Variants in ADAMTS15 observed in about 807,000 individuals in gnomAD.
ADAMTS15 encodes the protein A disintegrin and metalloproteinase with thrombospondin motifs 15.
Under a neutral mutation model 79.1 loss-of-function variants are expected in ADAMTS15, and 35 were observed. That is an observed-to-expected ratio of 0.44 (90% CI 0.34 to 0.59). The LOEUF (loss-of-function observed/expected upper bound fraction) is 0.59. Among genes scored for constraint, ADAMTS15 ranks in the 20% least tolerant of loss-of-function variants. The pLI is 0.02. For missense variants in ADAMTS15, 1,324 were observed against 1,318.7 expected (o/e 1.00, Z -0.06); for synonymous variants, 616 against 567.3 (o/e 1.09, Z -1.22).
chr11:130,450,215 A>G (rs1937935640), intron 1 of ADAMTS15: 1 of 985,356 alleles, frequency 1.0e-6, no homozygotes. Context: ...GAGGGGCCGG[A>G]ACCCAGGAAG....
chr11:130,473,629 A>T lies in ADAMTS15; in HGVS notation c.2661A>T (p.Thr887=), dbSNP rs140009739. 1.5e-4 allele frequency: 249 copies of T among 1,609,176 alleles called. 2 individuals are homozygous for T. The highest frequency in any genetic ancestry group is 2.0e-4 in the Non-Finnish European group (234 of 1,179,826). The change falls in exon 8 of 8, where the codon ACA becomes ACT. Residue 887 remains threonine, a synonymous_variant. Coordinates refer to ENST00000299164, the MANE Select transcript of ADAMTS15 (RefSeq NM_139055.4). Reference sequence around the variant, plus strand: ...ATGCAGCCCATCGGCCCGTGGAGACACAAGCCTGCGGGGAGCCCTGCCCCA... The same window carrying T: ...ATGCAGCCCATCGGCCCGTGGAGACTCAAGCCTGCGGGGAGCCCTGCCCCA... ...ACDAAHRPVE[T]QACGEPCPTW... is the part of the protein sequence containing the mutation.
Position 130,459,452 on chromosome 11 carries a change from C to T in ADAMTS15, c.958-2037C>T, listed in dbSNP as rs377535827. 9.0e-4 allele frequency among the ~76,000 whole-genome samples: 137 copies of T among 152,190 alleles called. 1 individual carries two copies. The highest frequency in any genetic ancestry group is 3.2e-3 in the African/African-American group (132 of 41,524). ...AAGTGCTGGGATTACAGGCATGAGC[C>T]ACTGCGCCCAGGCCCCTCCCAAGTT... On this transcript the variant is annotated intron_variant, in intron 1 of 7. Coordinates refer to ENST00000299164, the MANE Select transcript of ADAMTS15 (RefSeq NM_139055.4).
chr11:130,451,323 C>G (rs1471878302), intron 1 of ADAMTS15, among the ~76,000 whole-genome samples: 3 of 152,218 alleles, frequency 2.0e-5, no homozygotes, highest in Admixed American at 2.0e-4. Context: ...TCCACAGTAA[C>G]CCATTTGGCA....
Position 130,449,797 on chromosome 11 carries a change from G to A in ADAMTS15, c.824G>A (p.Arg275His), listed in dbSNP as rs1472042795. ...VVVKVLLLRD[R>H]DSGPKVTGNA... Reference sequence around the variant, plus strand: ...GTCAAGGTGCTGCTTCTTAGAGATCGTGACTCCGGGCCCAAGGTCACCGGC... The same window carrying A: ...GTCAAGGTGCTGCTTCTTAGAGATCATGACTCCGGGCCCAAGGTCACCGGC... The change falls in exon 1 of 8, where the codon CGT (arginine) becomes CAT (histidine). Residue 275 changes from arginine (R) to histidine (H), a missense_variant. Transcript: ENST00000299164. This position sits in a 1 kb window ranked among gnomAD's most constrained non-coding sequence, Gnocchi z 7.8. 3 of 1,611,606 alleles carry A rather than the reference G, an allele frequency of 1.9e-6. No individual in the cohort carries two copies. The highest frequency in any genetic ancestry group is 1.3e-5 in the African/African-American group (1 of 74,934).
intron 1 of ADAMTS15, among the ~76,000 whole-genome samples, chr11:130,451,254 A>G (rs1320922968): frequency 6.6e-6 from 1 of 152,132 alleles, no homozygotes; most frequent in Non-Finnish European, 1.5e-5. Flanking sequence ...CTAACTCTCC[A>G]CTGTTTCCAA....
chr11:130,461,166 G>A (rs888087811), intron 1 of ADAMTS15, among the ~76,000 whole-genome samples: 33 of 152,192 alleles, frequency 2.2e-4, no homozygotes, highest in Non-Finnish European at 3.7e-4. Flanking sequence ...CTGGAGGGCC[G>A]TCTCTCTATA....
chr11:130,454,677 G>A lies in ADAMTS15; in HGVS notation c.957+4747G>A, dbSNP rs77077275. ...AAACACAACACCATGCCTTCTGGGAGGGAGGAGGGAAGGAGTGGGAAGAGA... is the reference window on the plus strand; with the variant it reads ...AAACACAACACCATGCCTTCTGGGAAGGAGGAGGGAAGGAGTGGGAAGAGA... On this transcript the variant is annotated intron_variant, in intron 1 of 7. Coordinates refer to ENST00000299164, the MANE Select transcript of ADAMTS15 (RefSeq NM_139055.4). 3.4e-3 allele frequency among the ~76,000 whole-genome samples: 514 copies of A among 152,304 alleles called. 5 individuals are homozygous for A. Among genetic ancestry groups the A allele is most frequent in the African/African-American group, 0.012 (487 of 41,554 alleles).
chr11:130,466,059 G>A lies in ADAMTS15; in HGVS notation c.1543-3203G>A, dbSNP rs1022778490. Among the ~76,000 whole-genome samples the A allele has an allele frequency of 2.6e-5, 4 of 152,136 alleles. No individual in the cohort carries two copies. In the East Asian group the frequency reaches 7.8e-4, roughly 30 times the overall value. ...GGCTAATTTTTGTATTTTTAGTGGA[G>A]ATGGGGTTTCATCATGTTGGTCAGG... is the stretch of plus-strand genomic sequence containing the variant. On this transcript the variant is annotated intron_variant, in intron 4 of 7. Transcript: ENST00000299164.
Position 130,448,966 on chromosome 11 carries a change from C to T in ADAMTS15, c.-8C>T, listed in dbSNP as rs767225674. ...TTCCCACAGCGCGGCGGTGCGCTGC[C>T]CGGCGCCATGCTTCTGCTGGGCATC... On this transcript the variant is annotated 5_prime_UTR_variant, in exon 1 of 8. Coordinates refer to ENST00000299164, the MANE Select transcript of ADAMTS15 (RefSeq NM_139055.4). The T allele has an allele frequency of 8.0e-5, 120 of 1,491,322 alleles. 2 individuals are homozygous for T. The East Asian group carries it at 2.8e-3, about 35-fold the overall frequency. The allele number at this position is 1,491,322 out of a possible 1,614,324, so 92.4% of individuals were successfully genotyped here. A position where few individuals can be genotyped will look rare whatever the true frequency, so the allele number is the denominator to read the frequency against.
chr11:130,465,776 C>T (rs1240331115), intron 4 of ADAMTS15, among the ~76,000 whole-genome samples: 4 of 151,628 alleles, frequency 2.6e-5, no homozygotes, highest in East Asian at 3.9e-4. Flanking sequence ...CACTGCCTCT[C>T]GGTTGTCCTC....
chr11:130,459,368 G>A (rs920572549), intron 1 of ADAMTS15, among the ~76,000 whole-genome samples: 3 of 152,134 alleles, frequency 2.0e-5, no homozygotes, highest in Non-Finnish European at 4.4e-5. Flanking sequence ...GTCTCACCAT[G>A]TTTCCCAGGT....
At chr11:130,471,415 G>A (rs1938456283) in intron 7 of ADAMTS15, 32 bp downstream of exon 7, 1 of 1,585,682 alleles carries the variant, frequency 6.3e-7, no homozygotes, top group East Asian at 2.2e-5. Context: ...TCCTGCCAGG[G>A]AGCAAAGGGA....
At position 130,475,741 on chromosome 11, in the gene ADAMTS15, C is replaced by G. The variant is rs1043028050; in HGVS notation, c.*1920C>G. 2.6e-5 allele frequency: 4 copies of G among 152,376 alleles called. No homozygotes were observed. Among genetic ancestry groups the G allele is most frequent in the Non-Finnish European group, 4.4e-5 (3 of 68,174 alleles). The allele number at this position is 152,376 out of a possible 1,614,324, so 9.4% of individuals were successfully genotyped here. On this transcript the variant is annotated 3_prime_UTR_variant, in exon 8 of 8. Coordinates refer to ENST00000299164, the MANE Select transcript of ADAMTS15 (RefSeq NM_139055.4). ...ACAGGAACCCCTCTGTGCCAGTGAC[C>G]ACTGTGGGGCTAAAGGGACAAAAAG...
Position 130,449,732 on chromosome 11 carries a change from C to T in ADAMTS15, c.759C>T (p.Tyr253=). ...LTLLATAARL[Y]RHPSILNPIN... ...TGCTGGCAACGGCGGCGCGACTCTA[C>T]CGCCATCCCAGCATCCTCAACCCCA... The change falls in exon 1 of 8, where the codon TAC becomes TAT. Residue 253 remains tyrosine, a synonymous_variant. Coordinates refer to ENST00000299164, the MANE Select transcript of ADAMTS15 (RefSeq NM_139055.4). This position sits in a 1 kb window ranked among gnomAD's most constrained non-coding sequence, Gnocchi z 7.8. 1.2e-6 allele frequency: 2 copies of T among 1,612,456 alleles called. No homozygotes were observed. Among genetic ancestry groups the T allele is most frequent in the Non-Finnish European group, 1.7e-6 (2 of 1,179,732 alleles).
At chr11:130,470,194 A>ACATG (rs1938418380) in intron 5 of ADAMTS15, among the ~76,000 whole-genome samples, 5 of 56,228 alleles carry the variant, frequency 8.9e-5, no homozygotes, top group Admixed American at 3.1e-4. Flanking sequence ...GTGTATATAT[A>ACATG]TATATATATA....
chr11:130,470,206 A>ACACGTG (rs1938420784), intron 5 of ADAMTS15, among the ~76,000 whole-genome samples: 2 of 64,010 alleles, frequency 3.1e-5, no homozygotes, highest in African/African-American at 1.5e-4. Context: ...ATATATATAT[A>ACACGTG]TATGTATATA....
In ADAMTS15 at chr11:130,461,582, G is replaced by A. The variant is rs750198125; in HGVS notation, c.1051G>A (p.Asp351Asn). Residue 351 changes from aspartate to asparagine, a missense_variant, in exon 2 of 8, where the codon GAT (aspartate) becomes AAT (asparagine). Physicochemically the swap from Asp to Asn is conservative, Grantham distance 23. Coordinates refer to ENST00000299164, the MANE Select transcript of ADAMTS15 (RefSeq NM_139055.4). Reference sequence around the variant, plus strand: ...GAGAAGCTGCTCTGTCATTGAGGACGATGGGCTTCCATCAGCCTTCACCAC... The same window carrying A: ...GAGAAGCTGCTCTGTCATTGAGGACAATGGGCTTCCATCAGCCTTCACCAC... ...PKRSCSVIEDDGLPSAFTTAH... is the reference protein window; with the variant it reads ...PKRSCSVIEDNGLPSAFTTAH... 1.7e-5 allele frequency: 27 copies of A among 1,614,162 alleles called. No homozygotes were observed. The South Asian group carries it at 1.8e-4, about 11-fold the overall frequency.
chr11:130,454,185 C>T (rs1938026716), intron 1 of ADAMTS15, among the ~76,000 whole-genome samples: 2 of 152,120 alleles, frequency 1.3e-5, no homozygotes, highest in Non-Finnish European at 2.9e-5. Context: ...GTTTCCTCTC[C>T]TCTCACTCTT....
intron 1 of ADAMTS15, 173 bp downstream of exon 1, chr11:130,450,103 CGGA>C: frequency 1.0e-6 from 1 of 985,504 alleles, no homozygotes; most frequent in Non-Finnish European, 1.2e-6. Context: ...CCACGCTCCG[CGGA>C]GCGGCGGCTC....
Sources: gnomAD v4.1 joint callset for allele counts (sites outside exome capture counted in the v4.1 genomes callset) on GRCh38, gnomAD v4.1.1 for gene constraint, Gnocchi (gnomAD v3.1) non-coding constraint, MANE v1.5 for transcripts, NCBI Gene and HGNC (gene_info 2026-07-23, HGNC 2026-07-21) for gene names.